Variants in COL4A2 observed in about 807,000 individuals in gnomAD.
COL4A2 encodes collagen type IV alpha 2 chain.
COL4A2 carries 99 observed loss-of-function variants against 200.2 expected under a neutral mutation model. The observed-to-expected ratio is 0.49, with a 90% CI of 0.42 to 0.58. The LOEUF is 0.58. COL4A2 is among the 20% of genes least tolerant of loss of function. COL4A2 has a pLI of 0.00. For missense variants in COL4A2, 1,950 were observed against 2,314.1 expected (o/e 0.84, Z 3.23); for synonymous variants, 897 against 900.6 (o/e 1.00, Z 0.07).
At chr13:110,368,769 G>A (rs1324180926) in intron 4 of COL4A2, among the ~76,000 whole-genome samples, 2 of 147,802 alleles carry the variant, frequency 1.4e-5, no homozygotes, top group Admixed American at 1.4e-4. Flanking sequence ...TCTACAAATG[G>A]TAGAATAGTT....
rs189597954 is a variant in COL4A2 at position 110,473,273 on chromosome 13, G to A, written c.2425+123G>A. Reference sequence around the variant, plus strand: ...CGGTGCCCTATAGTGCTAGCCATGCGTACCTTCTCCCATGGCCTTCCAGCA... The same window carrying A: ...CGGTGCCCTATAGTGCTAGCCATGCATACCTTCTCCCATGGCCTTCCAGCA... On this transcript the variant is annotated intron_variant, in intron 29 of 47. Coordinates refer to ENST00000360467, the MANE Select transcript of COL4A2 (RefSeq NM_001846.4). The A allele has an allele frequency of 1.5e-4, 128 of 834,784 alleles. 2 individuals carry two copies. In the African/African-American group the frequency reaches 1.6e-3, roughly 10 times the overall value. The allele number at this position is 834,784 out of a possible 1,614,324, so 51.7% of individuals were successfully genotyped here.
In COL4A2 at chr13:110,307,750, C is replaced by A; in HGVS notation, c.-44-110C>A. 1.9e-6 allele frequency: 2 copies of A among 1,039,348 alleles called. No individual in the cohort carries two copies. The highest frequency in any genetic ancestry group is 2.6e-5 in the East Asian group (1 of 37,830). 64.4% of individuals were successfully genotyped at this position (1,039,348 alleles called of 1,614,324 possible). ...GGGGACGGCCCTCCGGTCACCCCTG[C>A]ATGCGGGCCGCGCACCGCGCTGTCC... On this transcript the variant is annotated intron_variant, in intron 1 of 47. Coordinates refer to ENST00000360467, the MANE Select transcript of COL4A2 (RefSeq NM_001846.4). The surrounding 1 kb of genome is among the most constrained non-coding windows in gnomAD (Gnocchi z 5.0).
At chr13:110,405,889 T>C (rs1203698259) in intron 4 of COL4A2, among the ~76,000 whole-genome samples, 1 of 152,138 alleles carries the variant, frequency 6.6e-6, no homozygotes, top group Non-Finnish European at 1.5e-5. Context: ...TTGGGGTCTC[T>C]GGGAATGAGC....
At chr13:110,410,308 CA>C (rs1411502785) in intron 4 of COL4A2, among the ~76,000 whole-genome samples, 1 of 152,216 alleles carries the variant, frequency 6.6e-6, no homozygotes, top group Non-Finnish European at 1.5e-5. Context: ...GCGTTGTTGC[CA>C]AGCTCATAAT....
At chr13:110,477,595 C>T (rs36122571) in intron 29 of COL4A2, among the ~76,000 whole-genome samples, 18,793 of 152,152 alleles carry the variant, frequency 0.12, 1,254 homozygotes, top group Middle Eastern at 0.2. Flanking sequence ...GGGGAGGATG[C>T]GATGGAATAC....
At chr13:110,436,501 C>G (rs1342229703) in intron 13 of COL4A2, 134 bp downstream of exon 13, 4 of 1,211,208 alleles carry the variant, frequency 3.3e-6, no homozygotes, top group Non-Finnish European at 4.4e-6. Context: ...CCCATGAAAA[C>G]ATAACCGGGT....
intron 24 of COL4A2, 141 bp from the exon 25 acceptor site, chr13:110,465,264 C>T: frequency 1.8e-6 from 2 of 1,119,830 alleles, no homozygotes; most frequent in Non-Finnish European, 2.5e-6. Flanking sequence ...GACCATGGCA[C>T]TAGGTTCCTG....
At chr13:110,416,201 T>C (rs1315674870) in intron 4 of COL4A2, among the ~76,000 whole-genome samples, 2 of 152,260 alleles carry the variant, frequency 1.3e-5, no homozygotes, top group Non-Finnish European at 2.9e-5. Context: ...ATTGACACAT[T>C]GCATGTCAGC....
intron 31 of COL4A2, among the ~76,000 whole-genome samples, 174 bp from the exon 32 acceptor site, chr13:110,482,342 C>G (rs1305051936): frequency 6.6e-6 from 1 of 152,238 alleles, no homozygotes; most frequent in Non-Finnish European, 1.5e-5. Context: ...CTGTTAACAG[C>G]AGAGGTCAAC....
chr13:110,314,087 C>T lies in COL4A2; in HGVS notation c.99+5964C>T, dbSNP rs141575681. 1.8e-4 allele frequency among the ~76,000 whole-genome samples: 27 copies of T among 152,304 alleles called. No homozygotes were observed. In the East Asian group the frequency reaches 4.0e-3, roughly 23 times the overall value. ...AGTGGAAAAACTGGTGAGATTCTAG[C>T]GGAGGCTGCAGTTCAATGTGATAAT... On this transcript the variant is annotated intron_variant, in intron 3 of 47. Transcript: ENST00000360467.
At chr13:110,420,968 G>T (rs750414084) in intron 4 of COL4A2, among the ~76,000 whole-genome samples, 1 of 152,230 alleles carries the variant, frequency 6.6e-6, no homozygotes, top group East Asian at 1.9e-4. Flanking sequence ...CTCTCTCAGC[G>T]GGGAAGCTGG....
intron 12 of COL4A2, among the ~76,000 whole-genome samples, 164 bp downstream of exon 12, chr13:110,434,606 C>A (rs1421084884): frequency 6.6e-6 from 1 of 152,220 alleles, no homozygotes; most frequent in African/African-American, 2.4e-5. Flanking sequence ...GCTAGGTTGT[C>A]ACCTACATAC....
At chr13:110,496,221 C>T (rs1035573120) in intron 40 of COL4A2, among the ~76,000 whole-genome samples, 5 of 152,192 alleles carry the variant, frequency 3.3e-5, no homozygotes, top group African/African-American at 1.2e-4. Context: ...TGCCAATTCC[C>T]CATGAAGCTA....
intron 3 of COL4A2, among the ~76,000 whole-genome samples, chr13:110,330,794 C>T (rs768044422): frequency 6.6e-6 from 1 of 151,840 alleles, no homozygotes; most frequent in Non-Finnish European, 1.5e-5. Flanking sequence ...AATTAGTTTC[C>T]AAAACAGCAA....
chr13:110,378,842 C>T (rs1343894882), intron 4 of COL4A2, among the ~76,000 whole-genome samples: 3 of 152,152 alleles, frequency 2.0e-5, no homozygotes, highest in Non-Finnish European at 4.4e-5. Context: ...CGGTGTATTT[C>T]CTTCTCCACA....
intron 4 of COL4A2, among the ~76,000 whole-genome samples, chr13:110,411,633 T>A (rs1395641215): frequency 6.6e-6 from 1 of 152,198 alleles, no homozygotes; most frequent in Non-Finnish European, 1.5e-5. Flanking sequence ...GGACTGTGGC[T>A]GGCTTGGTTT....
At chr13:110,363,113 CACG>C (rs200949588) in intron 4 of COL4A2, among the ~76,000 whole-genome samples, 3,063 of 152,296 alleles carry the variant, frequency 0.02, 44 homozygotes, top group Non-Finnish European at 0.03. Flanking sequence ...GGCCCTGTCA[CACG>C]ACAACAGGGA....
rs1882928646 is a variant in COL4A2, at chr13:110,481,681, CA to C, written c.2759-834del. Among the ~76,000 whole-genome samples, 2 of 58,482 alleles carry C rather than the reference CA, an allele frequency of 3.4e-5. 1 individual carries two copies. Among genetic ancestry groups the C allele is most frequent in the African/African-American group, 1.5e-4 (2 of 13,772 alleles). The allele number at this position is 58,482 out of a possible 152,430, so 38.4% of individuals were successfully genotyped here. ...CTGGAGACACACAGTTCTGTCCTTCCATTGCTGGAGACACACTGTTCTGTCC... is the reference window on the plus strand; with the variant it reads ...CTGGAGACACACAGTTCTGTCCTTCCTTGCTGGAGACACACTGTTCTGTCC... On this transcript the variant is annotated intron_variant, in intron 31 of 47. Transcript: ENST00000360467.
intron 34 of COL4A2, among the ~76,000 whole-genome samples, chr13:110,487,446 C>G (rs1457662679): frequency 6.6e-6 from 1 of 152,090 alleles, no homozygotes; most frequent in East Asian, 1.9e-4. Flanking sequence ...AAGCAAGACT[C>G]CATCTCAAAA....
Sources: gnomAD v4.1 joint callset for allele counts (sites outside exome capture counted in the v4.1 genomes callset) on GRCh38, gnomAD v4.1.1 for gene constraint, Gnocchi (gnomAD v3.1) non-coding constraint, MANE v1.5 for transcripts, NCBI Gene and HGNC (gene_info 2026-07-23, HGNC 2026-07-21) for gene names.